Variants in MARCHF8 observed in about 807,000 individuals in gnomAD.
The protein encoded by MARCHF8 is E3 ubiquitin-protein ligase MARCHF8.
In MARCHF8, 40 loss-of-function variants were observed where a neutral mutation model predicts 51.6. The observed-to-expected ratio is 0.77, with a 90% CI of 0.60 to 1.01. The LOEUF (loss-of-function observed/expected upper bound fraction) is 1.01. MARCHF8 is among the 50% of genes least tolerant of loss of function. MARCHF8 has a pLI of 0.00. For missense variants in MARCHF8, 685 were observed against 708.6 expected (o/e 0.97, Z 0.38); for synonymous variants, 263 against 280.3 (o/e 0.94, Z 0.62).
intron 1 of MARCHF8, among the ~76,000 whole-genome samples, chr10:45,585,614 G>C (rs1201585895): frequency 6.6e-6 from 1 of 152,080 alleles, no homozygotes; most frequent in East Asian, 1.9e-4. Context: ...TTATGTCTCT[G>C]GGAACATAAC....
chr10:45,523,245 G>T (rs2043738580), intron 2 of MARCHF8, among the ~76,000 whole-genome samples: 1 of 152,172 alleles, frequency 6.6e-6, no homozygotes, highest in Non-Finnish European at 1.5e-5. Context: ...TAAATTAGGG[G>T]CCCAATAGGG....
At chr10:45,543,532 C>CTCA (rs772152670) in intron 1 of MARCHF8, among the ~76,000 whole-genome samples, 5 of 152,164 alleles carry the variant, frequency 3.3e-5, no homozygotes, top group Non-Finnish European at 5.9e-5. Context: ...GGCACGGTGG[C>CTCA]TCATGCCTGT....
At chr10:45,503,061 CACT>C (rs2043310169) in intron 2 of MARCHF8, among the ~76,000 whole-genome samples, 1 of 152,142 alleles carries the variant, frequency 6.6e-6, no homozygotes, top group Non-Finnish European at 1.5e-5. Flanking sequence ...GAAGTTTCTA[CACT>C]ACAATTGAAG....
intron 2 of MARCHF8, among the ~76,000 whole-genome samples, chr10:45,500,371 C>T (rs1241652746): frequency 6.6e-6 from 1 of 152,016 alleles, no homozygotes; most frequent in Non-Finnish European, 1.5e-5. Flanking sequence ...AAAATTTTGT[C>T]ATATGTAAAG....
chr10:45,500,880 T>C (rs1399763836), intron 2 of MARCHF8, among the ~76,000 whole-genome samples: 1 of 151,852 alleles, frequency 6.6e-6, no homozygotes, highest in African/African-American at 2.4e-5. Context: ...TATATACATA[T>C]ATATAACACA....
intron 4 of MARCHF8, 35 bp downstream of exon 4, chr10:45,464,204 C>T: frequency 6.3e-7 from 1 of 1,599,122 alleles, no homozygotes; most frequent in Non-Finnish European, 8.6e-7. Flanking sequence ...TCTGGCTGCA[C>T]ACTGATCATG....
At position 45,456,719 on chromosome 10, in the gene MARCHF8, C is replaced by T. The variant is rs372867395; in HGVS notation, c.*1520G>A. 13 of 152,290 alleles carry T rather than the reference C, an allele frequency of 8.5e-5. No individual in the cohort carries two copies. Among genetic ancestry groups the T allele is most frequent in the African/African-American group, 2.6e-4 (11 of 41,550 alleles). The allele number at this position is 152,290 out of a possible 1,614,324, so 9.4% of individuals were successfully genotyped here. The stretch of plus-strand genomic sequence containing the variant: ...ATCTGCGCTACATTGTGCTTCAGGC[C>T]CCCCCAGCAACTTTCCCGGAGGTAA... On this transcript the variant is annotated 3_prime_UTR_variant, in exon 8 of 8. Transcript: ENST00000453424.
At chr10:45,529,463 T>C (rs2133264645) in intron 2 of MARCHF8, among the ~76,000 whole-genome samples, 1 of 151,970 alleles carries the variant, frequency 6.6e-6, no homozygotes, top group Non-Finnish European at 1.5e-5. Context: ...AAAATGAAAA[T>C]AGACAAATGG....
chr10:45,464,823 C>T (rs1736999782), intron 3 of MARCHF8, among the ~76,000 whole-genome samples: 1 of 152,208 alleles, frequency 6.6e-6, no homozygotes, highest in Admixed American at 6.5e-5. Flanking sequence ...AACCTCACTG[C>T]CCTGCCACAG....
At chr10:45,521,692 T>C (rs1248947397) in intron 2 of MARCHF8, among the ~76,000 whole-genome samples, 1 of 152,244 alleles carries the variant, frequency 6.6e-6, no homozygotes, top group East Asian at 1.9e-4. Flanking sequence ...TCGTATAATT[T>C]ACTATTTATT....
upstream of MARCHF8, among the ~76,000 whole-genome samples, chr10:45,536,281 G>A (rs1191076827): frequency 6.6e-6 from 1 of 152,108 alleles, no homozygotes; most frequent in Non-Finnish European, 1.5e-5. Flanking sequence ...CAAGAAGGGT[G>A]CCAAGATCAC....
At chr10:45,554,563 T>C (rs2133347666) in intron 1 of MARCHF8, among the ~76,000 whole-genome samples, 1 of 152,178 alleles carries the variant, frequency 6.6e-6, no homozygotes, top group Middle Eastern at 3.4e-3. Context: ...CAAGAAGCCA[T>C]CAGAAGCACC....
chr10:45,589,821 A>G (rs189777738), intron 1 of MARCHF8, among the ~76,000 whole-genome samples: 7 of 152,318 alleles, frequency 4.6e-5, no homozygotes, highest in African/African-American at 1.4e-4. Context: ...CAGTTGATAT[A>G]TGTTTGAGTT....
chr10:45,584,993 A>G (rs548072343), intron 1 of MARCHF8, among the ~76,000 whole-genome samples: 1 of 152,328 alleles, frequency 6.6e-6, no homozygotes, highest in East Asian at 1.9e-4. Context: ...GAGTTGATTT[A>G]TCTCCAGAGC....
intron 1 of MARCHF8, among the ~76,000 whole-genome samples, chr10:45,557,829 C>T (rs537211077): frequency 2.4e-4 from 36 of 152,272 alleles, no homozygotes; most frequent in African/African-American, 8.2e-4. Context: ...GATGGAAAGG[C>T]CCCTGGTAAG....
chr10:45,583,844 A>C (rs2133429359), intron 1 of MARCHF8, among the ~76,000 whole-genome samples: 1 of 151,926 alleles, frequency 6.6e-6, no homozygotes, highest in South Asian at 2.1e-4. Context: ...TAACAAAAGA[A>C]AGCAAAAAAG....
intron 1 of MARCHF8, among the ~76,000 whole-genome samples, chr10:45,566,322 T>A (rs2044363507): frequency 6.6e-6 from 1 of 152,226 alleles, no homozygotes; most frequent in African/African-American, 2.4e-5. Context: ...GTGCAATTAT[T>A]ATTGACTATA....
At chr10:45,483,014 A>G (rs2042916001) in intron 3 of MARCHF8, among the ~76,000 whole-genome samples, 1 of 152,172 alleles carries the variant, frequency 6.6e-6, no homozygotes, top group African/African-American at 2.4e-5. Flanking sequence ...ACACTCAAAC[A>G]TAAGACCTGA....
intron 6 of MARCHF8, 96 bp downstream of exon 6, chr10:45,461,135 T>G: frequency 1.1e-6 from 1 of 938,610 alleles, no homozygotes; most frequent in Non-Finnish European, 1.5e-6. Flanking sequence ...TTTAAGGAAA[T>G]GAACGCAGGC....
Sources: gnomAD v4.1 joint callset for allele counts (sites outside exome capture counted in the v4.1 genomes callset) on GRCh38, gnomAD v4.1.1 for gene constraint, MANE v1.5 for transcripts, NCBI Gene and HGNC (gene_info 2026-07-23, HGNC 2026-07-21) for gene names.